The following OPCML variants were observed in gnomAD, a reference collection of about 807,000 sequenced individuals.
OPCML encodes opioid binding protein/cell adhesion molecule like.
In OPCML, 13 loss-of-function variants were observed where a neutral mutation model predicts 37.8. That is an observed-to-expected ratio of 0.34 (90% CI 0.22 to 0.55). OPCML has a LOEUF of 0.55. OPCML is among the 20% of genes least tolerant of loss of function. OPCML has a pLI of 0.91. For synonymous variants in OPCML, 176 were observed against 168.8 expected, an observed-to-expected ratio of 1.04 and a Z score of -0.33; for missense variants, 341 against 435.6, an observed-to-expected ratio of 0.78 and a Z score of 1.93.
intron 2 of OPCML, among the ~76,000 whole-genome samples, chr11:132,931,744 C>A (rs190586476): frequency 6.6e-6 from 1 of 152,306 alleles, no homozygotes; most frequent in South Asian, 2.1e-4. Context: ...ATGAAAACTG[C>A]GTGGCGTTTC....
chr11:133,313,939 A>G (rs1205437078), intron 1 of OPCML, among the ~76,000 whole-genome samples: 1 of 152,222 alleles, frequency 6.6e-6, no homozygotes, highest in Admixed American at 6.5e-5. Flanking sequence ...TATTTGCTAT[A>G]AGAATACGAT....
intron 3 of OPCML, among the ~76,000 whole-genome samples, chr11:132,560,554 C>A (rs1173347807): frequency 6.6e-6 from 1 of 152,154 alleles, no homozygotes; most frequent in Non-Finnish European, 1.5e-5. Context: ...ATCATTCATA[C>A]ATCTTTGTTT....
At chr11:132,428,906 G>A (rs1161694880) in intron 7 of OPCML, among the ~76,000 whole-genome samples, 1 of 152,160 alleles carries the variant, frequency 6.6e-6, no homozygotes, top group Non-Finnish European at 1.5e-5. Context: ...ATATTTTATT[G>A]TAACTGTCTA....
chr11:133,039,905 T>C (rs1947856115), intron 1 of OPCML, among the ~76,000 whole-genome samples: 1 of 151,866 alleles, frequency 6.6e-6, no homozygotes, highest in African/African-American at 2.4e-5. Flanking sequence ...GGTGGGCACC[T>C]GTAATCCCAG....
Position 133,333,324 on chromosome 11 carries a change from G to C in OPCML, c.61+198940C>G, listed in dbSNP as rs145254173. On this transcript the variant is annotated intron_variant, in intron 1 of 7. Coordinates refer to ENST00000524381, the MANE Select transcript of OPCML (RefSeq NM_001012393.5). ...TCCATCCACCTTGGCCTCCCATAGT[G>C]CTGGGATTACAGGCATAACACAACC... Among the ~76,000 whole-genome samples the C allele has an allele frequency of 1.1e-3, 162 of 152,128 alleles. 1 individual carries two copies. Among genetic ancestry groups the C allele is most frequent in the African/African-American group, 3.7e-3 (154 of 41,500 alleles).
chr11:133,443,883 A>G (rs1020018970), intron 1 of OPCML, among the ~76,000 whole-genome samples: 1 of 152,090 alleles, frequency 6.6e-6, no homozygotes, highest in Non-Finnish European at 1.5e-5. Flanking sequence ...CAAAGGTGGG[A>G]GAGTCACTTG....
chr11:133,427,312 A>G (rs1362558402), intron 1 of OPCML, among the ~76,000 whole-genome samples: 1 of 151,790 alleles, frequency 6.6e-6, no homozygotes, highest in Non-Finnish European at 1.5e-5. Flanking sequence ...TAATTTAAAC[A>G]CAAGAACAAA....
chr11:133,300,590 T>C (rs1274593900), intron 1 of OPCML: 3 of 152,332 alleles, frequency 2.0e-5, no homozygotes, highest in East Asian at 1.9e-4. Context: ...TTTTAAAAGA[T>C]GGGAATCGTG....
chr11:133,403,033 T>C (rs1457509615), intron 1 of OPCML, among the ~76,000 whole-genome samples: 1 of 152,202 alleles, frequency 6.6e-6, no homozygotes, highest in Non-Finnish European at 1.5e-5. Context: ...CTGGCTTGCC[T>C]TCTTTACCAC....
chr11:132,832,923 G>T (rs1044927970), intron 2 of OPCML, among the ~76,000 whole-genome samples: 4 of 150,308 alleles, frequency 2.7e-5, no homozygotes, highest in African/African-American at 4.9e-5. Context: ...GTGATAAAAA[G>T]ATTTTTTTTT....
intron 2 of OPCML, among the ~76,000 whole-genome samples, chr11:132,811,824 C>A (rs1939360789): frequency 2.6e-5 from 4 of 152,266 alleles, no homozygotes; most frequent in South Asian, 2.1e-4. Flanking sequence ...AGCATAAAAA[C>A]CATCCATGGG....
chr11:132,880,377 T>C (rs2136426546), intron 2 of OPCML, among the ~76,000 whole-genome samples: 1 of 152,300 alleles, frequency 6.6e-6, no homozygotes, highest in South Asian at 2.1e-4. Context: ...TCCACGGGCC[T>C]TATCTTTTGA....
chr11:133,013,646 C>T (rs537825754), intron 1 of OPCML, among the ~76,000 whole-genome samples: 29 of 152,192 alleles, frequency 1.9e-4, no homozygotes, highest in South Asian at 1.2e-3. Flanking sequence ...CTTATTCTAC[C>T]GCCTCATAAC....
chr11:132,471,944 G>A (rs2096139259), intron 4 of OPCML, among the ~76,000 whole-genome samples: 1 of 151,946 alleles, frequency 6.6e-6, no homozygotes, highest in Admixed American at 6.6e-5. Context: ...TCTTTTCCTT[G>A]TCTGAAACAC....
intron 1 of OPCML, among the ~76,000 whole-genome samples, chr11:132,990,753 T>G (rs1376591594): frequency 6.6e-6 from 1 of 152,222 alleles, no homozygotes. Context: ...ATTTTAGTTG[T>G]GTGACCTAGA....
At chr11:133,449,833 C>T (rs1946545503) in intron 1 of OPCML, among the ~76,000 whole-genome samples, 1 of 151,674 alleles carries the variant, frequency 6.6e-6, no homozygotes, top group Admixed American at 6.6e-5. Flanking sequence ...GGTAAACATG[C>T]ATTTTGTCGG....
intron 2 of OPCML, among the ~76,000 whole-genome samples, chr11:132,691,911 C>T (rs978898309): frequency 1.3e-5 from 2 of 152,074 alleles, no homozygotes; most frequent in Non-Finnish European, 2.9e-5. Context: ...TTGACAGTAT[C>T]GACAGATTTG....
At chr11:132,571,901 G>A (rs1016445360) in intron 3 of OPCML, among the ~76,000 whole-genome samples, 2 of 152,040 alleles carry the variant, frequency 1.3e-5, no homozygotes, top group Non-Finnish European at 2.9e-5. Context: ...GTAAGCAAGG[G>A]TTCCAAATCC....
chr11:132,755,758 C>A (rs1946020426), intron 2 of OPCML, among the ~76,000 whole-genome samples: 1 of 152,252 alleles, frequency 6.6e-6, no homozygotes, highest in East Asian at 1.9e-4. Context: ...TTTATAAGTC[C>A]TTTACAGTCA....
Sources: allele counts gnomAD v4.1 joint callset (sites outside exome capture counted in the v4.1 genomes callset), GRCh38; gene constraint gnomAD v4.1.1; transcripts MANE v1.5; gene names NCBI Gene and HGNC (gene_info 2026-07-23, HGNC 2026-07-21).